The following HAUS1 variants were observed in gnomAD, a reference collection of about 807,000 sequenced individuals.
HAUS1 encodes the protein HAUS augmin-like complex subunit 1.
HAUS1 carries 25 observed loss-of-function variants against 38.6 expected under a neutral mutation model. The observed-to-expected ratio is 0.65, with a 90% CI of 0.47 to 0.91. The LOEUF is 0.91. HAUS1 is among the 40% of genes least tolerant of loss of function. The pLI is 0.00. For missense variants in HAUS1, 325 were observed against 328.4 expected (o/e 0.99, Z 0.08); for synonymous variants, 109 against 112.9 (o/e 0.97, Z 0.22).
intron 2 of HAUS1, among the ~76,000 whole-genome samples, chr18:46,111,382 G>A (rs1331785748): frequency 7.9e-5 from 12 of 151,528 alleles, no homozygotes; most frequent in African/African-American, 2.9e-4. Flanking sequence ...TGGAGTACAG[G>A]AGCTTGATCT....
intron 5 of HAUS1, chr18:46,123,067 C>T (rs955067040): frequency 5.7e-5 from 24 of 421,096 alleles, no homozygotes; most frequent in South Asian, 3.8e-4. Context: ...AAAAATTAGC[C>T]GGGCGTGGTG....
chr18:46,123,454 C>T, intron 6 of HAUS1, 90 bp downstream of exon 6: 1 of 844,144 alleles, frequency 1.2e-6, no homozygotes. Context: ...GGCTTTTATT[C>T]ACTGTGGACC....
At chr18:46,122,353 G>A in intron 4 of HAUS1, 114 bp from the exon 5 acceptor site, 1 of 1,021,532 alleles carries the variant, frequency 9.8e-7, no homozygotes, top group South Asian at 1.5e-5. Flanking sequence ...AGATGACCTG[G>A]TTACCAACTC....
chr18:46,113,180 GA>G, intron 2 of HAUS1, among the ~76,000 whole-genome samples: 1 of 149,898 alleles, frequency 6.7e-6, no homozygotes, highest in Non-Finnish European at 1.5e-5. Flanking sequence ...GGGTCCAAGC[GA>G]TTCTCATGCC....
intron 2 of HAUS1, chr18:46,114,930 G>C (rs1050877674): frequency 6.6e-5 from 10 of 152,080 alleles, no homozygotes; most frequent in Admixed American, 6.6e-4. Flanking sequence ...TAAATGCTTG[G>C]GTTTGTTTTC....
intron 8 of HAUS1, 183 bp downstream of exon 8, chr18:46,125,974 T>C (rs1912093163): frequency 2.0e-6 from 1 of 492,486 alleles, no homozygotes. Context: ...TATATATTTT[T>C]TCCATTAAGA....
At chr18:46,127,187 G>T (rs1187788933) in intron 8 of HAUS1, among the ~76,000 whole-genome samples, 1 of 151,650 alleles carries the variant, frequency 6.6e-6, no homozygotes, top group African/African-American at 2.4e-5. Flanking sequence ...GGCCAGGCTG[G>T]TCTCCAACTC....
rs71160713 is a variant in HAUS1 at position 46,110,333 on chromosome 18, G to GTTTTTTTTTTTTTTTTTTTT, written c.205+4975_205+4994dup. On this transcript the variant is annotated intron_variant, in intron 2 of 8. Transcript: ENST00000282058. The stretch of plus-strand genomic sequence containing the variant: ...ACCATGCCCAGCTTATTTTTTTAAG[G>GTTTTTTTTTTTTTTTTTTTT]TTTTTTTTTTTTTTTTTTTTTTTTT... 6.0e-5 allele frequency among the ~76,000 whole-genome samples: 3 copies of GTTTTTTTTTTTTTTTTTTTT among 49,994 alleles called. 1 individual carries two copies. The highest frequency in any genetic ancestry group is 3.5e-5 in the Non-Finnish European group (1 of 28,644). 32.8% of individuals were successfully genotyped at this position (49,994 alleles called of 152,430 possible).
At chr18:46,112,986 A>ATATATATTCCATATATATATGGAAT (rs71160716) in intron 2 of HAUS1, among the ~76,000 whole-genome samples, 6 of 84,416 alleles carry the variant, frequency 7.1e-5, no homozygotes, top group Admixed American at 3.2e-4. Context: ...TTATATATAT[A>ATATATATTCCATATATATATGGAAT]ATATATATTC....
chr18:46,108,442 C>T (rs1911532920), intron 2 of HAUS1, among the ~76,000 whole-genome samples: 1 of 151,884 alleles, frequency 6.6e-6, no homozygotes, highest in Admixed American at 6.6e-5. Context: ...CTGGCCCACT[C>T]TAATTTTTAT....
At chr18:46,107,630 T>G (rs1911513119) in intron 2 of HAUS1, among the ~76,000 whole-genome samples, 1 of 152,198 alleles carries the variant, frequency 6.6e-6, no homozygotes, top group African/African-American at 2.4e-5. Context: ...TACATTGATG[T>G]GTATTGGTAA....
chr18:46,118,970 C>T (rs28497462), intron 3 of HAUS1, among the ~76,000 whole-genome samples: 16,323 of 152,054 alleles, frequency 0.11, 1,153 homozygotes, highest in East Asian at 0.39. Flanking sequence ...CGGGGTAAAG[C>T]GATTCTCCTA....
rs537529302 is a variant in HAUS1, at chr18:46,122,846, C to T, written c.600+256C>T. The stretch of plus-strand genomic sequence containing the variant: ...GAGTGTGGAAAGGATTCACATGTAA[C>T]GTACAAATGCTTAGATACATGTACA... On this transcript the variant is annotated intron_variant, in intron 5 of 8. Coordinates refer to ENST00000282058, the MANE Select transcript of HAUS1 (RefSeq NM_138443.4). Among the ~76,000 whole-genome samples the T allele has an allele frequency of 2.2e-4, 33 of 152,284 alleles. No homozygotes were observed. In the South Asian group the frequency reaches 2.3e-3, roughly 11 times the overall value.
chr18:46,121,834 ATTTAT>A (rs1911950469), intron 4 of HAUS1: 1 of 151,858 alleles, frequency 6.6e-6, no homozygotes, highest in African/African-American at 2.4e-5. Flanking sequence ...CAAAAAAATT[ATTTAT>A]TTTATTATTT....
At chr18:46,112,946 A>G (rs1911691915) in intron 2 of HAUS1, among the ~76,000 whole-genome samples, 1 of 104,744 alleles carries the variant, frequency 9.5e-6, no homozygotes, top group South Asian at 2.8e-4. Flanking sequence ...TATAATATAT[A>G]TAATATATAT....
intron 1 of HAUS1, 70 bp downstream of exon 1, chr18:46,104,511 G>A: frequency 7.6e-7 from 1 of 1,313,496 alleles, no homozygotes; most frequent in Non-Finnish European, 1.0e-6. Context: ...CGCCGACAGC[G>A]GGTCTCCTGT....
intron 2 of HAUS1, among the ~76,000 whole-genome samples, chr18:46,116,425 G>A (rs959599451): frequency 6.6e-6 from 1 of 151,848 alleles, no homozygotes; most frequent in Non-Finnish European, 1.5e-5. Flanking sequence ...GCCAGGCATG[G>A]TGGTGCACAC....
At chr18:46,119,897 C>T in intron 3 of HAUS1, 29 bp from the exon 4 acceptor site, 1 of 1,533,738 alleles carries the variant, frequency 6.5e-7, no homozygotes, top group Non-Finnish European at 8.7e-7. Context: ...CCCATTAAGC[C>T]CATGTATATG....
intron 4 of HAUS1, among the ~76,000 whole-genome samples, chr18:46,121,252 C>T (rs769041069): frequency 6.6e-6 from 1 of 151,980 alleles, no homozygotes; most frequent in Non-Finnish European, 1.5e-5. Flanking sequence ...TGCAATGGCG[C>T]GATCTCAGCT....
Sources: gnomAD v4.1 joint callset for allele counts (sites outside exome capture counted in the v4.1 genomes callset) on GRCh38, gnomAD v4.1.1 for gene constraint, MANE v1.5 for transcripts, NCBI Gene and HGNC (gene_info 2026-07-23, HGNC 2026-07-21) for gene names.